Variants in MAGI2 observed in about 807,000 individuals in gnomAD.
MAGI2 encodes membrane-associated guanylate kinase, WW and PDZ domain-containing protein 2.
A neutral mutation model predicts 133.3 loss-of-function variants in MAGI2; 35 were observed. The observed-to-expected ratio is 0.26, with a 90% CI of 0.20 to 0.35. MAGI2 has a LOEUF of 0.35. MAGI2 is among the 10% of genes least tolerant of loss of function. MAGI2 has a pLI of 1.00. For synonymous variants in MAGI2, 729 were observed against 710.6 expected (o/e 1.03, Z -0.41); for missense variants, 1,636 against 1,863.4 (o/e 0.88, Z 2.25).
At chr7:79,125,401 G>T (rs932372018) in intron 1 of MAGI2, 68 of 490,330 alleles carry the variant, frequency 1.4e-4, no homozygotes, top group East Asian at 4.1e-4. Context: ...AAACCTCAGG[G>T]GTCATGGTGT....
chr7:78,253,469 A>G (rs543099284), intron 10 of MAGI2: 1 of 152,350 alleles, frequency 6.6e-6, no homozygotes, highest in South Asian at 2.1e-4. Context: ...CTTACTGAGC[A>G]TACACTTACA....
chr7:78,356,026 T>C (rs1418619569), intron 7 of MAGI2, among the ~76,000 whole-genome samples: 1 of 152,118 alleles, frequency 6.6e-6, no homozygotes, highest in Non-Finnish European at 1.5e-5. Context: ...TGTGTAACAT[T>C]GCTTTCAAAC....
chr7:79,036,634 T>A (rs978050787), intron 1 of MAGI2, among the ~76,000 whole-genome samples: 4 of 151,148 alleles, frequency 2.6e-5, no homozygotes, highest in Non-Finnish European at 5.9e-5. Context: ...TGTGGGAGAT[T>A]TGAAACACAT....
intron 13 of MAGI2, among the ~76,000 whole-genome samples, chr7:78,182,308 T>C (rs983888411): frequency 6.6e-6 from 1 of 152,218 alleles, no homozygotes; most frequent in African/African-American, 2.4e-5. Flanking sequence ...ACAGGAATTA[T>C]ATAGTTTCTG....
Position 78,659,337 on chromosome 7 carries a change from G to T in MAGI2, c.419-32098C>A, listed in dbSNP as rs1240327930. Among the ~76,000 whole-genome samples, 4 of 136,760 alleles carry T rather than the reference G, an allele frequency of 2.9e-5. No individual in the cohort carries two copies. In the South Asian group the frequency reaches 9.6e-4, roughly 33 times the overall value. 89.7% of individuals were successfully genotyped at this position (136,760 alleles called of 152,430 possible). On this transcript the variant is annotated intron_variant, in intron 2 of 21. Transcript: ENST00000354212. The stretch of plus-strand genomic sequence containing the variant: ...GTGGTGGTGTGCACTTGTAGTCCCA[G>T]CTTCTTGAACCCGGGAGGTGAAGGT...
intron 1 of MAGI2, among the ~76,000 whole-genome samples, chr7:79,066,710 T>C (rs1248169334): frequency 6.6e-6 from 1 of 152,186 alleles, no homozygotes; most frequent in Non-Finnish European, 1.5e-5. Context: ...TGGTATTGCC[T>C]AGATTTTCTT....
At chr7:79,419,520 G>T (rs1478215595) in intron 1 of MAGI2, among the ~76,000 whole-genome samples, 2 of 151,986 alleles carry the variant, frequency 1.3e-5, no homozygotes, top group East Asian at 3.9e-4. Context: ...GGTAACTTTA[G>T]CTTTGAATCT....
At chr7:78,666,942 G>A (rs1402034439) in intron 2 of MAGI2, among the ~76,000 whole-genome samples, 1 of 152,088 alleles carries the variant, frequency 6.6e-6, no homozygotes, top group African/African-American at 2.4e-5. Context: ...TGATCAGTAA[G>A]ACCTACTATA....
At chr7:78,817,507 G>A (rs1045520783) in intron 2 of MAGI2, among the ~76,000 whole-genome samples, 2 of 152,006 alleles carry the variant, frequency 1.3e-5, no homozygotes, top group Non-Finnish European at 2.9e-5. Context: ...TTAAAAAATT[G>A]TCACTCCCAT....
intron 2 of MAGI2, among the ~76,000 whole-genome samples, chr7:78,762,798 G>C (rs1162559534): frequency 6.6e-6 from 1 of 152,186 alleles, no homozygotes; most frequent in Admixed American, 6.5e-5. Context: ...TATCCAGGCA[G>C]TGACCTTCAA....
intron 2 of MAGI2, among the ~76,000 whole-genome samples, chr7:78,753,033 A>T (rs1374896976): frequency 6.6e-6 from 1 of 152,244 alleles, no homozygotes; most frequent in Admixed American, 6.5e-5. Context: ...AAAACAAAAA[A>T]TAAACATTTT....
chr7:79,033,895 T>C (rs975915167), intron 1 of MAGI2, among the ~76,000 whole-genome samples: 6 of 152,130 alleles, frequency 3.9e-5, no homozygotes, highest in Admixed American at 1.3e-4. Flanking sequence ...TATCTTTGAG[T>C]TCTAAATATA....
rs182124825 is a variant in MAGI2 at position 78,807,309 on chromosome 7, T to C, written c.419-180070A>G. Reference sequence around the variant, plus strand: ...ATTTATGAATGCATTAAAACAGTTATTATTCTATTGTGCTAATATAAATAA... The same window carrying C: ...ATTTATGAATGCATTAAAACAGTTACTATTCTATTGTGCTAATATAAATAA... On this transcript the variant is annotated intron_variant, in intron 2 of 21. Coordinates refer to ENST00000354212, the MANE Select transcript of MAGI2 (RefSeq NM_012301.4). 3.9e-4 allele frequency among the ~76,000 whole-genome samples: 60 copies of C among 151,956 alleles called. 1 individual carries two copies. In the East Asian group the frequency reaches 0.011, roughly 27 times the overall value.
intron 4 of MAGI2, among the ~76,000 whole-genome samples, chr7:78,514,981 C>T (rs955269936): frequency 1.3e-5 from 2 of 152,116 alleles, no homozygotes; most frequent in Non-Finnish European, 2.9e-5. Flanking sequence ...CTCTCATGGG[C>T]CCTGTTCCTC....
At chr7:78,979,097 A>C (rs1804557775) in intron 2 of MAGI2, among the ~76,000 whole-genome samples, 1 of 151,850 alleles carries the variant, frequency 6.6e-6, no homozygotes, top group South Asian at 2.1e-4. Flanking sequence ...TACACATAGA[A>C]GTATTTTTAG....
At chr7:79,367,404 T>C (rs892706579) in intron 1 of MAGI2, among the ~76,000 whole-genome samples, 7 of 152,106 alleles carry the variant, frequency 4.6e-5, no homozygotes, top group Admixed American at 2.6e-4. Flanking sequence ...TTAAACAAAA[T>C]GGAGTGATTT....
At chr7:78,573,297 T>TAA (rs1171523315) in intron 3 of MAGI2, among the ~76,000 whole-genome samples, 2 of 60,958 alleles carry the variant, frequency 3.3e-5, no homozygotes, top group African/African-American at 7.6e-5. Context: ...TATAAATATA[T>TAA]ATATTTATAT....
intron 1 of MAGI2, among the ~76,000 whole-genome samples, chr7:79,452,530 G>A (rs1226207653): frequency 6.6e-6 from 1 of 152,006 alleles, no homozygotes; most frequent in Non-Finnish European, 1.5e-5. Context: ...GGCGCCCCCA[G>A]CCCAGCCCCA....
chr7:78,394,247 T>G (rs1796147096), intron 6 of MAGI2, among the ~76,000 whole-genome samples: 1 of 152,198 alleles, frequency 6.6e-6, no homozygotes, highest in African/African-American at 2.4e-5. Flanking sequence ...ACACATAAAA[T>G]TAACCATCAC....
Sources: allele counts gnomAD v4.1 joint callset (sites outside exome capture counted in the v4.1 genomes callset), GRCh38; gene constraint gnomAD v4.1.1; transcripts MANE v1.5; gene names NCBI Gene and HGNC (gene_info 2026-07-23, HGNC 2026-07-21).